ZNF25: variants seen among roughly 807,000 people sequenced by gnomAD.
ZNF25 encodes zinc finger protein 25 (KOX 19).
In ZNF25, 21 loss-of-function variants were observed where a neutral mutation model predicts 30.9. The observed-to-expected ratio is 0.68, with a 90% CI of 0.48 to 0.98. ZNF25 has a LOEUF of 0.98. ZNF25 is among the 50% of genes least tolerant of loss of function. The pLI is 0.00. For missense variants in ZNF25, 501 were observed against 529.9 expected (o/e 0.95, Z 0.54); for synonymous variants, 169 against 181.3 (o/e 0.93, Z 0.55).
rs752988255 is a variant in ZNF25, at chr10:37,953,099, G to A, written c.399C>T (p.Leu133=). The A allele has an allele frequency of 1.7e-5, 28 of 1,613,672 alleles. 1 individual carries two copies. In the South Asian group the frequency reaches 2.5e-4, roughly 15 times the overall value. The change falls in exon 6 of 6, where the codon CTC becomes CTT. Residue 133 remains leucine, a synonymous_variant. Transcript: ENST00000302609. The part of the protein sequence containing the change: ...CGKFFCQKSA[L]IVHQHTHSKG... Reference sequence around the variant, plus strand: ...TTGAGTGAGTATGCTGATGTACTATGAGGGCAGACTTCTGGCAGAAGAACT... The same window carrying A: ...TTGAGTGAGTATGCTGATGTACTATAAGGGCAGACTTCTGGCAGAAGAACT...
rs1243421775 is a variant in ZNF25 at position 37,949,670 on chromosome 10, T to C, written c.*2457A>G. On this transcript the variant is annotated 3_prime_UTR_variant, in exon 6 of 6. Transcript: ENST00000302609. ...ACATGAAGTGCAGGCAATAATTTTA[T>C]AGATTACTAGTAATGTAGCTGATGG... 2.0e-5 allele frequency: 3 copies of C among 152,426 alleles called. No homozygotes were observed. The allele number at this position is 152,426 out of a possible 1,614,324, so 9.4% of individuals were successfully genotyped here.
chr10:37,953,754 G>A lies in ZNF25; in HGVS notation c.243C>T (p.Asp81=). 1.2e-6 allele frequency: 2 copies of A among 1,613,620 alleles called. No individual in the cohort carries two copies. The highest frequency in any genetic ancestry group is 2.2e-5 in the South Asian group (2 of 91,054). The change falls in exon 5 of 6, where the codon GAC becomes GAT. Residue 81 remains aspartate, a synonymous_variant. Coordinates refer to ENST00000302609, the MANE Select transcript of ZNF25 (RefSeq NM_145011.4). The part of the protein sequence containing the change: ...VEFPHRGFPE[D]LWSIHDLEAR... Reference sequence around the variant, plus strand: ...CTTCTAGATCATGAATGCTCCATAGGTCTTCTACAAGGGAACCAAAAATGT... The same window carrying A: ...CTTCTAGATCATGAATGCTCCATAGATCTTCTACAAGGGAACCAAAAATGT...
chr10:37,953,039 T>C lies in ZNF25; in HGVS notation c.459A>G (p.Lys153=). 1 of 1,614,092 alleles carries C rather than the reference T, an allele frequency of 6.2e-7. No individual in the cohort carries two copies. Among genetic ancestry groups the C allele is most frequent in the Non-Finnish European group, 8.5e-7 (1 of 1,180,016 alleles). Residue 153 remains lysine (K), a synonymous_variant, in exon 6 of 6, where the codon AAA becomes AAG. Coordinates refer to ENST00000302609, the MANE Select transcript of ZNF25 (RefSeq NM_145011.4). ...GKSYDCDKCG[K]SFSKNEDLIR... ...TGAGGTCTTCATTTTTAGAGAAAGA[T>C]TTCCCACATTTATCACAGTCATAGG... is the stretch of plus-strand genomic sequence containing the variant.
chr10:37,954,177 G>A (rs1344927434), intron 4 of ZNF25, among the ~76,000 whole-genome samples: 3 of 152,148 alleles, frequency 2.0e-5, no homozygotes, highest in African/African-American at 4.8e-5. Flanking sequence ...GGAATACATG[G>A]AAAAGATTAA....
intron 3 of ZNF25, 147 bp from the exon 4 acceptor site, chr10:37,957,262 CAA>C: frequency 7.9e-7 from 1 of 1,269,816 alleles, no homozygotes; most frequent in Non-Finnish European, 1.1e-6. Context: ...GAGAGGGACA[CAA>C]ATATTTTTTC....
intron 3 of ZNF25, 42 bp downstream of exon 3, chr10:37,957,377 GA>G: frequency 6.3e-7 from 1 of 1,590,474 alleles, no homozygotes; most frequent in South Asian, 1.1e-5. Flanking sequence ...TGAGAAGATA[GA>G]TGCAAACTAC....
intron 4 of ZNF25, among the ~76,000 whole-genome samples, chr10:37,954,979 C>A (rs1340365864): frequency 6.6e-6 from 1 of 151,956 alleles, no homozygotes; most frequent in East Asian, 1.9e-4. Context: ...CATGGTGAAA[C>A]CCCACCTCTA....
Position 37,957,011 on chromosome 10 carries a change from C to G in ZNF25, c.238+9G>C. ...CCAGTAACATGGGATATAATTTCTT[C>G]TAACTCACCAGGGAAGCCCCGATGT... On this transcript the variant is annotated intron_variant, in intron 4 of 5. Transcript: ENST00000302609. 6.2e-7 allele frequency: 1 copy of G among 1,610,060 alleles called. No individual in the cohort carries two copies. Among genetic ancestry groups the G allele is most frequent in the Non-Finnish European group, 8.5e-7 (1 of 1,177,232 alleles).
At chr10:37,967,073 C>T (rs1246001970) in intron 2 of ZNF25, among the ~76,000 whole-genome samples, 4 of 152,122 alleles carry the variant, frequency 2.6e-5, no homozygotes, top group Non-Finnish European at 5.9e-5. Context: ...AATGAGATGG[C>T]ATCCTGTATT....
chr10:37,958,451 G>A (rs1210039578), intron 2 of ZNF25, among the ~76,000 whole-genome samples: 1 of 152,076 alleles, frequency 6.6e-6, no homozygotes, highest in Non-Finnish European at 1.5e-5. Context: ...ATGTACTTAC[G>A]GTAAGGCATA....
chr10:37,971,630 A>AACACACACACACACAC (rs4007126), intron 2 of ZNF25, 78 bp downstream of exon 2: 17 of 1,389,796 alleles, frequency 1.2e-5, no homozygotes, highest in South Asian at 2.5e-5. Context: ...AAACTCATTA[A>AACACACACACACACAC]ACACACACAC....
At chr10:37,971,875 T>A in intron 1 of ZNF25, 68 bp from the exon 2 acceptor site, 1 of 1,029,892 alleles carries the variant, frequency 9.7e-7, no homozygotes, top group Non-Finnish European at 1.4e-6. Flanking sequence ...CTTTGACCCA[T>A]TAGAAAGCAT....
Position 37,950,025 on chromosome 10 carries a change from A to C in ZNF25, c.*2102T>G, listed in dbSNP as rs974339736. ...CATATAAATATAATGCACAAAATAA[A>C]TATACTGCAAAAAACCACCCACCTA... On this transcript the variant is annotated 3_prime_UTR_variant, in exon 6 of 6. Transcript: ENST00000302609. 1 of 152,670 alleles carries C rather than the reference A, an allele frequency of 6.6e-6. No homozygotes were observed. Among genetic ancestry groups the C allele is most frequent in the Non-Finnish European group, 1.5e-5 (1 of 68,046 alleles). The allele number at this position is 152,670 out of a possible 1,614,324, so 9.5% of individuals were successfully genotyped here. A position where few individuals can be genotyped will look rare whatever the true frequency, so the allele number is the denominator to read the frequency against.
chr10:37,969,922 G>A (rs902449225), intron 2 of ZNF25, among the ~76,000 whole-genome samples: 6 of 151,916 alleles, frequency 3.9e-5, no homozygotes, highest in African/African-American at 1.2e-4. Flanking sequence ...AACCATTCTC[G>A]ACTCACTTTA....
Position 37,951,248 on chromosome 10 carries a change from A to T in ZNF25, c.*879T>A, listed in dbSNP as rs1239401108. The T allele has an allele frequency of 6.6e-6, 1 of 152,338 alleles. No homozygotes were observed. Among genetic ancestry groups the T allele is most frequent in the Non-Finnish European group, 1.5e-5 (1 of 68,034 alleles). The allele number at this position is 152,338 out of a possible 1,614,324, so 9.4% of individuals were successfully genotyped here. On this transcript the variant is annotated 3_prime_UTR_variant, in exon 6 of 6. Coordinates refer to ENST00000302609, the MANE Select transcript of ZNF25 (RefSeq NM_145011.4). The stretch of plus-strand genomic sequence containing the variant: ...TCACTACTGAGACTTAATGTGCAAC[A>T]TCTTCATACACATAATAGTTACTGA...
chr10:37,956,735 G>A (rs1316873647), intron 4 of ZNF25, among the ~76,000 whole-genome samples: 1 of 151,698 alleles, frequency 6.6e-6, no homozygotes, highest in Admixed American at 6.6e-5. Context: ...TGACCAACAT[G>A]GAGAAACCCC....
At chr10:37,963,342 G>T (rs949514344) in intron 2 of ZNF25, among the ~76,000 whole-genome samples, 1 of 152,084 alleles carries the variant, frequency 6.6e-6, no homozygotes, top group Non-Finnish European at 1.5e-5. Flanking sequence ...GGCTAGTCTA[G>T]AACTCCTGAC....
chr10:37,954,073 C>T lies in ZNF25; in HGVS notation c.239-315G>A, dbSNP rs556411746. On this transcript the variant is annotated intron_variant, in intron 4 of 5. Transcript: ENST00000302609. ...ATAGGACATTCGAAGTGTTGCTGAA[C>T]GGGAGTGTGGGAAGTATAGAGAATA... 6.6e-5 allele frequency among the ~76,000 whole-genome samples: 10 copies of T among 152,118 alleles called. No homozygotes were observed. In the South Asian group the frequency reaches 1.5e-3, roughly 22 times the overall value.
intron 2 of ZNF25, chr10:37,967,823 C>T (rs1159309850): frequency 6.6e-6 from 1 of 152,136 alleles, no homozygotes; most frequent in Admixed American, 6.6e-5. Flanking sequence ...GGGAACTCTA[C>T]CTCACATCAT....
Sources: allele counts gnomAD v4.1 joint callset (sites outside exome capture counted in the v4.1 genomes callset), GRCh38; gene constraint gnomAD v4.1.1; transcripts MANE v1.5; gene names NCBI Gene and HGNC (gene_info 2026-07-23, HGNC 2026-07-21).